Variants in MTMR1 observed in about 807,000 individuals in gnomAD.
MTMR1 encodes the protein phosphatidylinositol-3-phosphate phosphatase MTMR1.
MTMR1 carries 17 observed loss-of-function variants against 51.6 expected under a neutral mutation model. The ratio of observed to expected loss-of-function variants is 0.33; its 90% CI spans 0.23 to 0.49. The LOEUF is 0.49. MTMR1 is among the 20% of genes least tolerant of loss of function. The pLI is 0.99. For missense variants in MTMR1, 386 were observed against 526.9 expected (o/e 0.73, Z 2.62); for synonymous variants, 201 against 205.6 (o/e 0.98, Z 0.19).
At chrX:150,760,912 G>C (rs1446272575) in intron 15 of MTMR1, among the ~76,000 whole-genome samples, 1 of 95,492 alleles carries the variant, frequency 1.0e-5, no homozygotes, top group Non-Finnish European at 2.1e-5. Context: ...GGGGGAGAGA[G>C]TGAGACTGCA....
chrX:150,698,248 C>T (rs1557415793), intron 1 of MTMR1, among the ~76,000 whole-genome samples: 2 of 109,633 alleles, frequency 1.8e-5, no homozygotes, highest in Admixed American at 9.6e-5. Flanking sequence ...GAGCCGAGAT[C>T]GCGCCACTGC....
At chrX:150,735,449 G>A (rs1448493139) in intron 10 of MTMR1, 1 of 497,153 alleles carries the variant, frequency 2.0e-6, no homozygotes, top group East Asian at 3.7e-5. Flanking sequence ...CTCTTCTTGT[G>A]ATGTCTTTGT....
chrX:150,742,293 G>A lies in MTMR1; in HGVS notation c.1474-2068G>A, dbSNP rs980742026. 4.5e-5 allele frequency among the ~76,000 whole-genome samples: 5 copies of A among 111,588 alleles called. No homozygotes were observed. The East Asian group carries it at 1.1e-3, about 25-fold the overall frequency. Reference sequence around the variant, plus strand: ...GTGGCATGTGACTATACTGAATACCGTAGGCAACTGTAATACCATGGTAAG... The same window carrying A: ...GTGGCATGTGACTATACTGAATACCATAGGCAACTGTAATACCATGGTAAG... On this transcript the variant is annotated intron_variant, in intron 12 of 15. Coordinates refer to ENST00000445323, the MANE Select transcript of MTMR1 (RefSeq NM_001306144.3).
intron 12 of MTMR1, among the ~76,000 whole-genome samples, chrX:150,738,873 C>T (rs2042350451): frequency 8.9e-6 from 1 of 111,959 alleles, no homozygotes; most frequent in Non-Finnish European, 1.9e-5. Context: ...GGGTTATATA[C>T]CTAGGAGTGA....
rs1557418066 is a variant in MTMR1 at position 150,762,504 on chromosome X, T to TCC, written c.1858-61_1858-60insCC. ...GCTCCTGAAGCCAACAGCATCTCCA[T>TCC]GTGGAAACGCTGTGGTAGGAGGATG... On this transcript the variant is annotated intron_variant, in intron 15 of 15. Coordinates refer to ENST00000445323, the MANE Select transcript of MTMR1 (RefSeq NM_001306144.3). The TCC allele has an allele frequency of 4.1e-5, 48 of 1,183,772 alleles. No homozygotes were observed. The African/African-American group carries it at 5.3e-4, about 13-fold the overall frequency.
At chrX:150,760,927 G>A (rs782434364) in intron 15 of MTMR1, among the ~76,000 whole-genome samples, 1,674 of 30,430 alleles carry the variant, frequency 0.055, 56 homozygotes, top group South Asian at 0.17. Flanking sequence ...ACTGCATTCC[G>A]CCTCAAAAAA....
rs1557416919 is a variant in MTMR1 at position 150,730,163 on chromosome X, A to G, written c.610A>G (p.Ile204Val). 3 of 1,206,464 alleles carry G rather than the reference A, an allele frequency of 2.5e-6. No homozygotes were observed. In the South Asian group the frequency reaches 5.4e-5, roughly 22 times the overall value. The change falls in exon 7 of 16, where the codon ATA becomes GTA. Residue 204 changes from isoleucine to valine, a missense_variant. Physicochemically the swap from Ile to Val is conservative, Grantham distance 29. Coordinates refer to ENST00000445323, the MANE Select transcript of MTMR1 (RefSeq NM_001306144.3). ...ACAGGAAGAACAGAGTAAACTAGGGATATTTGAAAACCTCAACAAACATGC... is the reference window on the plus strand; with the variant it reads ...ACAGGAAGAACAGAGTAAACTAGGGGTATTTGAAAACCTCAACAAACATGC... Reference protein sequence around the residue: ...YKQEEQSKLGIFENLNKHAFP... With the variant: ...YKQEEQSKLGVFENLNKHAFP...
At chrX:150,736,114 T>C (rs1474089013) in intron 10 of MTMR1, 1 of 115,893 alleles carries the variant, frequency 8.6e-6, no homozygotes, top group Non-Finnish European at 1.8e-5. Context: ...ATAGGGTCTT[T>C]GTAAATGTAA....
intron 6 of MTMR1, among the ~76,000 whole-genome samples, chrX:150,728,860 C>T (rs2042023068): frequency 1.8e-5 from 2 of 108,964 alleles, no homozygotes; most frequent in South Asian, 8.3e-4. Context: ...GCGTTCAAAA[C>T]CATTTTTTTT....
At chrX:150,743,707 T>G (rs2042499313) in intron 12 of MTMR1, among the ~76,000 whole-genome samples, 1 of 112,595 alleles carries the variant, frequency 8.9e-6, no homozygotes, top group African/African-American at 3.2e-5. Flanking sequence ...ACTTGTGGCA[T>G]TTTCAGTGTT....
chrX:150,717,189 T>C (rs2041555526), intron 3 of MTMR1, among the ~76,000 whole-genome samples: 1 of 109,025 alleles, frequency 9.2e-6, no homozygotes, highest in African/African-American at 3.3e-5. Context: ...GAAACCCCTG[T>C]CTCTACTAAA....
intron 2 of MTMR1, among the ~76,000 whole-genome samples, chrX:150,700,243 A>G (rs782165328): frequency 9.8e-5 from 11 of 112,192 alleles, no homozygotes; most frequent in Middle Eastern, 4.6e-3. Flanking sequence ...AAAGATCCTA[A>G]TTAATTCTTA....
At chrX:150,731,420 G>A in intron 8 of MTMR1, 50 bp from the exon 9 acceptor site, 1 of 1,080,529 alleles carries the variant, frequency 9.3e-7, no homozygotes, top group East Asian at 3.1e-5. Flanking sequence ...CTTTTTCAAA[G>A]TGTAAAGTCA....
chrX:150,712,040 C>G (rs1277266026), intron 2 of MTMR1, among the ~76,000 whole-genome samples: 1 of 110,835 alleles, frequency 9.0e-6, no homozygotes, highest in African/African-American at 3.3e-5. Context: ...AGCCTGTTCA[C>G]AATAACTTGT....
At chrX:150,709,514 G>A (rs918561383) in intron 2 of MTMR1, among the ~76,000 whole-genome samples, 5 of 112,240 alleles carry the variant, frequency 4.5e-5, no homozygotes, top group Non-Finnish European at 9.4e-5. Flanking sequence ...GTTTGTGTTA[G>A]GCTGTTCTCA....
At chrX:150,731,440 C>G in intron 8 of MTMR1, 30 bp from the exon 9 acceptor site, 1 of 1,138,734 alleles carries the variant, frequency 8.8e-7, no homozygotes. Flanking sequence ...ATGCATTTCA[C>G]CCTCTTCTTC....
intron 4 of MTMR1, among the ~76,000 whole-genome samples, 167 bp downstream of exon 4, chrX:150,718,867 T>C (rs782024611): frequency 2.7e-4 from 30 of 110,406 alleles, no homozygotes; most frequent in Non-Finnish European, 4.5e-4. Flanking sequence ...ACCTAAGAGA[T>C]AGAAGACTGC....
At chrX:150,693,371 T>G, upstream of MTMR1, 33 of 607,106 alleles carry the variant, frequency 5.4e-5, no homozygotes, top group Non-Finnish European at 5.9e-5. Context: ...CGCGCGGCCT[T>G]GTGGGTAACG....
At position 150,743,612 on chromosome X, in the gene MTMR1, A is replaced by T. The variant is rs150938013; in HGVS notation, c.1474-749A>T. 4.4e-3 allele frequency among the ~76,000 whole-genome samples: 491 copies of T among 111,667 alleles called. 3 individuals are homozygous for T. The highest frequency in any genetic ancestry group is 0.037 in the Middle Eastern group (8 of 216). On this transcript the variant is annotated intron_variant, in intron 12 of 15. Coordinates refer to ENST00000445323, the MANE Select transcript of MTMR1 (RefSeq NM_001306144.3). ...CTAAGTGATTGCTTTGTATTTTCTT[A>T]ATGAGTTTTTTTCCCCACATCCTTT...
Sources: gnomAD v4.1 joint callset for allele counts (sites outside exome capture counted in the v4.1 genomes callset) on GRCh38, gnomAD v4.1.1 for gene constraint, MANE v1.5 for transcripts, NCBI Gene and HGNC (gene_info 2026-07-23, HGNC 2026-07-21) for gene names.